Variants in TIE1 observed in about 807,000 individuals in gnomAD.
TIE1 encodes the protein tyrosine-protein kinase receptor Tie-1.
In TIE1, 89 loss-of-function variants were observed where a neutral mutation model predicts 130.5. The observed-to-expected ratio is 0.68, with a 90% CI of 0.57 to 0.81. The LOEUF (loss-of-function observed/expected upper bound fraction) is 0.81, where lower values mean the gene tolerates loss of function less well. TIE1 is among the 40% of genes least tolerant of loss of function. TIE1 has a pLI of 0.00. For missense variants in TIE1, 1,392 were observed against 1,559.8 expected (o/e 0.89, Z 1.81); for synonymous variants, 568 against 629.4 (o/e 0.90, Z 1.46).
Position 43,322,959 on chromosome 1 carries a change from G to T in TIE1, c.*237G>T, listed in dbSNP as rs1646934263. The T allele has an allele frequency of 1.9e-6, 1 of 521,526 alleles. No individual in the cohort carries two copies. The highest frequency in any genetic ancestry group is 1.9e-5 in the African/African-American group (1 of 52,106). The allele number at this position is 521,526 out of a possible 1,614,324, so 32.3% of individuals were successfully genotyped here. ...TCTTTCTAGTTCAGCTGCCCCACAGGTGTGTTTCCCATCCCACTGCTCCCC... is the reference window on the plus strand; with the variant it reads ...TCTTTCTAGTTCAGCTGCCCCACAGTTGTGTTTCCCATCCCACTGCTCCCC... On this transcript the variant is annotated 3_prime_UTR_variant, in exon 23 of 23. Transcript: ENST00000372476. This position sits in a 1 kb window ranked among gnomAD's most constrained non-coding sequence, Gnocchi z 4.0.
At position 43,309,241 on chromosome 1, in the gene TIE1, C is replaced by T. The variant is rs1646764130; in HGVS notation, c.1188+110C>T. On this transcript the variant is annotated intron_variant, in intron 8 of 22. Transcript: ENST00000372476. This position sits in a 1 kb window ranked among gnomAD's most constrained non-coding sequence, Gnocchi z 6.3. ...CTTTCTGCAGGGCCCACCCATTGGCCTGACCATTGCTCACATGAGGTCAGG... is the reference window on the plus strand; with the variant it reads ...CTTTCTGCAGGGCCCACCCATTGGCTTGACCATTGCTCACATGAGGTCAGG... 2.0e-6 allele frequency: 3 copies of T among 1,508,562 alleles called. No homozygotes were observed. In the African/African-American group the frequency reaches 4.2e-5, roughly 21 times the overall value. The allele number at this position is 1,508,562 out of a possible 1,614,324, so 93.4% of individuals were successfully genotyped here.
rs1176754727 is a variant in TIE1, at chr1:43,317,994, C to T, written c.2844C>T (p.Ala948=). 6.2e-7 allele frequency: 1 copy of T among 1,606,862 alleles called. No homozygotes were observed. The highest frequency in any genetic ancestry group is 1.7e-5 in the Admixed American group (1 of 58,742). ...CTTTTGCTCGAGAGCATGGGACAGC[C>T]TCTACCCTTAGCTCCCGGCAGCTGC... The part of the protein sequence containing the change: ...DPAFAREHGT[A]STLSSRQLLR... The change falls in exon 17 of 23, where the codon GCC becomes GCT. Residue 948 remains alanine, a synonymous_variant. Transcript: ENST00000372476. The surrounding 1 kb of genome is among the most constrained non-coding windows in gnomAD (Gnocchi z 5.1).
chr1:43,308,887 A>G (rs747666289), intron 7 of TIE1, 99 bp from the exon 8 acceptor site: 1 of 1,517,892 alleles, frequency 6.6e-7, no homozygotes, highest in Non-Finnish European at 9.1e-7. Context: ...GGGACTGGGT[A>G]GATACCTCCA....
chr1:43,313,624 T>G lies in TIE1; in HGVS notation c.2219-154T>G. ...GGCTGGGAAAATCATGTCGCCCCTC[T>G]GACACCCCTCATCCCTTCCTTCATG... On this transcript the variant is annotated intron_variant, in intron 13 of 22. Coordinates refer to ENST00000372476, the MANE Select transcript of TIE1 (RefSeq NM_005424.5). This position sits in a 1 kb window ranked among gnomAD's most constrained non-coding sequence, Gnocchi z 6.2. 9.4e-7 allele frequency: 1 copy of G among 1,061,224 alleles called. No individual in the cohort carries two copies. Among genetic ancestry groups the G allele is most frequent in the East Asian group, 2.6e-5 (1 of 38,422 alleles). The allele number at this position is 1,061,224 out of a possible 1,614,324, so 65.7% of individuals were successfully genotyped here.
rs1293460662 is a variant in TIE1, at chr1:43,306,143, G to T, written c.485-697G>T. 6.6e-6 allele frequency among the ~76,000 whole-genome samples: 1 copy of T among 152,206 alleles called. No individual in the cohort carries two copies. Among genetic ancestry groups the T allele is most frequent in the African/African-American group, 2.4e-5 (1 of 41,450 alleles). ...TCTTCTAAGAGGGAGAGGCTCAGGG[G>T]AGAGACCCTAGAGTAGATGGCACTT... On this transcript the variant is annotated intron_variant, in intron 3 of 22. Coordinates refer to ENST00000372476, the MANE Select transcript of TIE1 (RefSeq NM_005424.5). This position sits in a 1 kb window ranked among gnomAD's most constrained non-coding sequence, Gnocchi z 4.9.
At position 43,304,983 on chromosome 1, in the gene TIE1, A is replaced by C. The variant is rs1646710284; in HGVS notation, c.191A>C (p.Glu64Ala). 2.7e-6 allele frequency: 4 copies of C among 1,485,828 alleles called. No individual in the cohort carries two copies. The South Asian group carries it at 4.1e-5, about 15-fold the overall frequency. 92.0% of individuals were successfully genotyped at this position (1,485,828 alleles called of 1,614,324 possible). A position where few individuals can be genotyped will look rare whatever the true frequency, so the allele number is the denominator to read the frequency against. Residue 64 changes from glutamate to alanine, a missense_variant, in exon 2 of 23, where the codon GAG becomes GCG. Coordinates refer to ENST00000372476, the MANE Select transcript of TIE1 (RefSeq NM_005424.5). ...GCCTGGGGCCCGCCCCTGCTGCTGG[A>C]GAAGGACGACCGTATCGTGCGCACC... is the stretch of plus-strand genomic sequence containing the variant. The part of the protein sequence containing the change: ...SDAWGPPLLL[E>A]KDDRIVRTPP...
chr1:43,313,265 T>G lies in TIE1; in HGVS notation c.2058T>G (p.Gly686=), dbSNP rs1570443363. 6.2e-7 allele frequency: 1 copy of G among 1,613,632 alleles called. No individual in the cohort carries two copies. Residue 686 remains glycine (G), a synonymous_variant, in exon 13 of 23, where the codon GGT becomes GGG. Coordinates refer to ENST00000372476, the MANE Select transcript of TIE1 (RefSeq NM_005424.5). The surrounding 1 kb of genome is among the most constrained non-coding windows in gnomAD (Gnocchi z 6.2). ...TTGTGGAGGTGCAGGTGGCTGGGGG[T>G]GCAGGAGACCCACTGTGGATAGACG... is the stretch of plus-strand genomic sequence containing the variant. ...KYVVEVQVAG[G]AGDPLWIDVD... is the part of the protein sequence containing the mutation.
In TIE1 at chr1:43,309,101, GCTA is replaced by G. The variant is rs1320446561; in HGVS notation, c.1160_1162del (p.Leu387del). 1 of 1,610,930 alleles carries G rather than the reference GCTA, an allele frequency of 6.2e-7. No individual in the cohort carries two copies. Among genetic ancestry groups the G allele is most frequent in the Non-Finnish European group, 8.5e-7 (1 of 1,177,896 alleles). On this transcript the variant is annotated inframe_deletion, in exon 8 of 23. Coordinates refer to ENST00000372476, the MANE Select transcript of TIE1 (RefSeq NM_005424.5). The surrounding 1 kb of genome is among the most constrained non-coding windows in gnomAD (Gnocchi z 6.3). ...CCTTCCCCGTGCGGGGCAGCATAGAGCTACGCAAGCCAGACGGCACTGTGCTCC... is the reference window on the plus strand; with the variant it reads ...CCTTCCCCGTGCGGGGCAGCATAGAGCGCAAGCCAGACGGCACTGTGCTCC...
intron 10 of TIE1, 61 bp from the exon 11 acceptor site, chr1:43,311,933 G>A (rs1646798890): frequency 3.8e-6 from 6 of 1,564,292 alleles, no homozygotes; most frequent in South Asian, 1.2e-5. Context: ...GCTGAAGGGA[G>A]CATGGCAGCT....
rs1368694671 is a variant in TIE1, at chr1:43,318,817, T to C, written c.2923-418T>C. On this transcript the variant is annotated intron_variant, in intron 17 of 22. Transcript: ENST00000372476. The surrounding 1 kb of genome is among the most constrained non-coding windows in gnomAD (Gnocchi z 4.4). The stretch of plus-strand genomic sequence containing the variant: ...CTGCACCTGGCCAGCATTTTAAAGA[T>C]AGTAAAGTTTTGAGTATGTTTGAAA... Among the ~76,000 whole-genome samples the C allele has an allele frequency of 1.3e-5, 2 of 151,966 alleles. No homozygotes were observed. Among genetic ancestry groups the C allele is most frequent in the Admixed American group, 6.5e-5 (1 of 15,278 alleles).
At chr1:43,301,878 A>T (rs6671624) in intron 1 of TIE1, among the ~76,000 whole-genome samples, 4,881 of 152,312 alleles carry the variant, frequency 0.032, 259 homozygotes, top group African/African-American at 0.11. Context: ...AAAAGAAAAA[A>T]AGATGGTAAA....
intron 1 of TIE1, 57 bp from the exon 2 acceptor site, chr1:43,304,793 CT>C: frequency 7.3e-7 from 1 of 1,377,800 alleles, no homozygotes; most frequent in East Asian, 2.9e-5. Context: ...GGGCTGGGGG[CT>C]CTGGGGCACT....
Position 43,322,511 on chromosome 1 carries a change from C to T in TIE1, c.3346-140C>T. ...TTCACTGCCCTGGGCTGGTAAAGGC[C>T]ACTCTTGGCCATGGGGCCATCTTAG... On this transcript the variant is annotated intron_variant, in intron 22 of 22. Coordinates refer to ENST00000372476, the MANE Select transcript of TIE1 (RefSeq NM_005424.5). The surrounding 1 kb of genome is among the most constrained non-coding windows in gnomAD (Gnocchi z 4.0). 1.5e-6 allele frequency: 1 copy of T among 664,506 alleles called. No individual in the cohort carries two copies. The allele number at this position is 664,506 out of a possible 1,614,324, so 41.2% of individuals were successfully genotyped here. A position where few individuals can be genotyped will look rare whatever the true frequency, so the allele number is the denominator to read the frequency against.
chr1:43,317,472 C>T lies in TIE1; in HGVS notation c.2620+63C>T. On this transcript the variant is annotated intron_variant, in intron 15 of 22. Coordinates refer to ENST00000372476, the MANE Select transcript of TIE1 (RefSeq NM_005424.5). The surrounding 1 kb of genome is among the most constrained non-coding windows in gnomAD (Gnocchi z 5.1). ...TCCTTTGTCCCACAAATCCCAGGCC[C>T]CACCTGGCTTCCTCCAGCAATTGAC... The T allele has an allele frequency of 6.2e-7, 1 of 1,608,736 alleles. No individual in the cohort carries two copies. The highest frequency in any genetic ancestry group is 8.5e-7 in the Non-Finnish European group (1 of 1,175,102).
chr1:43,312,015 C>A lies in TIE1; in HGVS notation c.1514C>A (p.Thr505Lys). Residue 505 changes from threonine (T) to lysine (K), a missense_variant, in exon 11 of 23, where the codon ACG becomes AAG. By Grantham distance (78) the Thr-to-Lys change is moderately conservative (BLOSUM62 -1). Coordinates refer to ENST00000372476, the MANE Select transcript of TIE1 (RefSeq NM_005424.5). This position sits in a 1 kb window ranked among gnomAD's most constrained non-coding sequence, Gnocchi z 5.6. The stretch of plus-strand genomic sequence containing the variant: ...CCAGTGGACCCCAGTGAGAACGTGA[C>A]GTTAATGAACCTGAGGCCAAAGACA... ...TIVVDPSENV[T>K]LMNLRPKTGY... 3 of 1,598,584 alleles carry A rather than the reference C, an allele frequency of 1.9e-6. No homozygotes were observed. The highest frequency in any genetic ancestry group is 2.6e-6 in the Non-Finnish European group (3 of 1,169,924).
rs190995638 is a variant in TIE1, at chr1:43,311,994, T to C, written c.1493T>C (p.Val498Ala). 5.1e-5 allele frequency: 81 copies of C among 1,584,584 alleles called. No homozygotes were observed. The highest frequency in any genetic ancestry group is 6.8e-5 in the Non-Finnish European group (79 of 1,162,272). Residue 498 changes from valine (V) to alanine (A), a missense_variant and splice_region_variant, in exon 11 of 23, where the codon GTG (valine) becomes GCG (alanine). By Grantham distance (64) the Val-to-Ala change is moderately conservative (BLOSUM62 0). Coordinates refer to ENST00000372476, the MANE Select transcript of TIE1 (RefSeq NM_005424.5). ...DSTMDWSTIV[V>A]DPSENVTLMN... ...TGTGTGCTTTACACCCCACGCCCAG[T>C]GGACCCCAGTGAGAACGTGACGTTA...
intron 10 of TIE1, 38 bp from the exon 11 acceptor site, chr1:43,311,956 G>A (rs371580698): frequency 6.4e-7 from 1 of 1,562,680 alleles, no homozygotes; most frequent in Non-Finnish European, 8.7e-7. Flanking sequence ...TAGAAGAGGT[G>A]GGGGCTGAAT....
chr1:43,309,718 G>C lies in TIE1; in HGVS notation c.1333+186G>C, dbSNP rs2153911360. Among the ~76,000 whole-genome samples, 1 of 152,268 alleles carries C rather than the reference G, an allele frequency of 6.6e-6. No individual in the cohort carries two copies. Among genetic ancestry groups the C allele is most frequent in the East Asian group, 1.9e-4 (1 of 5,182 alleles). The stretch of plus-strand genomic sequence containing the variant: ...TGGGCAGTGTCAAGGCTGGAGTACA[G>C]CTTAGACCCATCTGGAAAGGACATC... On this transcript the variant is annotated intron_variant, in intron 9 of 22. Transcript: ENST00000372476. The surrounding 1 kb of genome is among the most constrained non-coding windows in gnomAD (Gnocchi z 6.3).
In TIE1 at chr1:43,312,292, C is replaced by CCGACCCCAGAG; in HGVS notation, c.1631-12_1631-11insGACCCCAGAGC. 1 of 1,541,494 alleles carries CCGACCCCAGAG rather than the reference C, an allele frequency of 6.5e-7. No homozygotes were observed. The highest frequency in any genetic ancestry group is 8.8e-7 in the Non-Finnish European group (1 of 1,142,512). On this transcript the variant is annotated splice_polypyrimidine_tract_variant and intron_variant, in intron 11 of 22. Coordinates refer to ENST00000372476, the MANE Select transcript of TIE1 (RefSeq NM_005424.5). The surrounding 1 kb of genome is among the most constrained non-coding windows in gnomAD (Gnocchi z 5.6). ...CCTACTGGACAGTTCTGACCCCTGACCTCTGGCCCCAGAGCCTTTGTTGCA... is the reference window on the plus strand; with the variant it reads ...CCTACTGGACAGTTCTGACCCCTGACCGACCCCAGAGCTCTGGCCCCAGAGCCTTTGTTGCA...
Sources: allele counts gnomAD v4.1 joint callset (sites outside exome capture counted in the v4.1 genomes callset), GRCh38; gene constraint gnomAD v4.1.1; non-coding constraint Gnocchi (gnomAD v3.1); transcripts MANE v1.5; gene names NCBI Gene and HGNC (gene_info 2026-07-23, HGNC 2026-07-21).